MYRFL: variants seen among roughly 807,000 people sequenced by gnomAD.
The protein encoded by MYRFL is myelin regulatory factor-like protein.
In MYRFL, 88 loss-of-function variants were observed where a neutral mutation model predicts 109.4. That is an observed-to-expected ratio of 0.80 (90% CI 0.68 to 0.96). MYRFL has a LOEUF of 0.96. MYRFL is among the 40% of genes least tolerant of loss of function. The pLI is 0.00. For missense variants in MYRFL, 957 were observed against 954.9 expected (o/e 1.00, Z -0.03); for synonymous variants, 324 against 320.9 (o/e 1.01, Z -0.10).
At chr12:69,832,354 T>C (rs750356490) in intron 1 of MYRFL, among the ~76,000 whole-genome samples, 2 of 152,200 alleles carry the variant, frequency 1.3e-5, no homozygotes, top group Non-Finnish European at 2.9e-5. Flanking sequence ...GCTGCTCTCC[T>C]AAGAGCCAGG....
intron 1 of MYRFL, among the ~76,000 whole-genome samples, chr12:69,852,579 A>ATTTTTTTT (rs61145700): frequency 4.5e-5 from 5 of 112,174 alleles, no homozygotes; most frequent in Non-Finnish European, 5.4e-5. Context: ...TTAATTTTTA[A>ATTTTTTTT]TTTTTTTTTT....
chr12:69,927,942 C>T (rs769317717), intron 15 of MYRFL, among the ~76,000 whole-genome samples, 194 bp downstream of exon 15: 8 of 152,150 alleles, frequency 5.3e-5, no homozygotes, highest in East Asian at 1.9e-4. Flanking sequence ...TTTAGAGAAA[C>T]GAGTACAGAA....
chr12:69,841,477 A>G (rs982133000), intron 1 of MYRFL, among the ~76,000 whole-genome samples: 2 of 152,202 alleles, frequency 1.3e-5, no homozygotes, highest in African/African-American at 4.8e-5. Context: ...CATGGTGTAA[A>G]TGCTCTCACT....
chr12:69,940,149 T>C (rs867573135), intron 19 of MYRFL, among the ~76,000 whole-genome samples: 2 of 152,034 alleles, frequency 1.3e-5, no homozygotes, highest in African/African-American at 4.8e-5. Context: ...CCCAGGAGAA[T>C]TTCCCCAATC....
intron 15 of MYRFL, among the ~76,000 whole-genome samples, chr12:69,929,495 A>G (rs953404645): frequency 1.3e-5 from 2 of 152,232 alleles, no homozygotes; most frequent in African/African-American, 4.8e-5. Context: ...AGGAGAAGTT[A>G]CAGATGGAAT....
intron 15 of MYRFL, among the ~76,000 whole-genome samples, chr12:69,929,670 C>CAGAT (rs140118891): frequency 1.3e-3 from 204 of 152,234 alleles, no homozygotes; most frequent in African/African-American, 4.8e-3. Context: ...TCTTTAAAAA[C>CAGAT]AGATAGTAAA....
rs1210056103 is a variant in MYRFL, at chr12:69,958,897, C to A, written c.*366C>A. On this transcript the variant is annotated 3_prime_UTR_variant, in exon 25 of 25. Coordinates refer to ENST00000552032, the MANE Select transcript of MYRFL (RefSeq NM_182530.3). ...TGTATTTTAAAGCTTTTGAAAAAAC[C>A]AAAAGGGCCATGTCGACTTCGGCCC... is the stretch of plus-strand genomic sequence containing the variant. 1 of 193,576 alleles carries A rather than the reference C, an allele frequency of 5.2e-6. No individual in the cohort carries two copies. The highest frequency in any genetic ancestry group is 1.0e-5 in the Non-Finnish European group (1 of 95,510). The allele number at this position is 193,576 out of a possible 1,614,324, so 12.0% of individuals were successfully genotyped here.
intron 6 of MYRFL, among the ~76,000 whole-genome samples, chr12:69,887,329 C>G (rs1378935059): frequency 2.0e-5 from 3 of 152,128 alleles, no homozygotes; most frequent in South Asian, 2.1e-4. Flanking sequence ...CCATAAAATA[C>G]TTTTCTGGGG....
At chr12:69,860,365 T>A (rs1884569367) in intron 2 of MYRFL, among the ~76,000 whole-genome samples, 1 of 152,192 alleles carries the variant, frequency 6.6e-6, no homozygotes. Context: ...GACATTTAGG[T>A]TGATTCCATG....
chr12:69,848,227 G>A lies in MYRFL; in HGVS notation c.47-7053G>A, dbSNP rs370991439. On this transcript the variant is annotated intron_variant, in intron 1 of 24. Transcript: ENST00000552032. ...TATATTACTTTTGTACATCTTGTTG[G>A]TAAATATCCCTTTTTTACTCACATG... is the stretch of plus-strand genomic sequence containing the variant. 8.0e-4 allele frequency among the ~76,000 whole-genome samples: 121 copies of A among 151,950 alleles called. No individual in the cohort carries two copies. In the Middle Eastern group the frequency reaches 0.021, roughly 27 times the overall value.
intron 10 of MYRFL, among the ~76,000 whole-genome samples, chr12:69,900,822 T>C (rs1168741930): frequency 6.6e-6 from 1 of 152,206 alleles, no homozygotes; most frequent in African/African-American, 2.4e-5. Context: ...GCCATTTACA[T>C]TGTATTTTTT....
intron 15 of MYRFL, among the ~76,000 whole-genome samples, chr12:69,928,573 ATTC>A (rs1360366046): frequency 2.0e-5 from 3 of 152,338 alleles, no homozygotes; most frequent in African/African-American, 7.2e-5. Context: ...AGAGTTCAAA[ATTC>A]TTCTACTAAA....
rs560019425 is a variant in MYRFL, at chr12:69,899,734, A to G, written c.1182+2488A>G. 1.6e-4 allele frequency among the ~76,000 whole-genome samples: 24 copies of G among 152,298 alleles called. No homozygotes were observed. The East Asian group carries it at 4.6e-3, about 29-fold the overall frequency. On this transcript the variant is annotated intron_variant, in intron 10 of 24. Coordinates refer to ENST00000552032, the MANE Select transcript of MYRFL (RefSeq NM_182530.3). ...CAGGAAGGGTCCAGAATTCTGACCA[A>G]GCTTGTCAGAATTCTGCTTGGAGAG...
chr12:69,951,512 C>G (rs1168804174), intron 19 of MYRFL, among the ~76,000 whole-genome samples: 2 of 150,856 alleles, frequency 1.3e-5, no homozygotes, highest in African/African-American at 4.9e-5. Context: ...ACCACAACCT[C>G]CGCCTCCCAG....
At chr12:69,911,297 A>G (rs1244363670) in intron 13 of MYRFL, among the ~76,000 whole-genome samples, 2 of 152,210 alleles carry the variant, frequency 1.3e-5, no homozygotes, top group Non-Finnish European at 2.9e-5. Context: ...TAAAATGGTA[A>G]TAAACTTATG....
intron 8 of MYRFL, among the ~76,000 whole-genome samples, chr12:69,894,273 C>T (rs1317598113): frequency 6.6e-6 from 1 of 152,112 alleles, no homozygotes; most frequent in South Asian, 2.1e-4. Context: ...GCTGGGATTA[C>T]AGGCGTGAGC....
At chr12:69,885,299 C>A (rs776056284) in intron 5 of MYRFL, among the ~76,000 whole-genome samples, 1 of 150,694 alleles carries the variant, frequency 6.6e-6, no homozygotes, top group Non-Finnish European at 1.5e-5. Flanking sequence ...CATTTAATAG[C>A]AATACCCCAA....
rs946978432 is a variant in MYRFL at position 69,855,225 on chromosome 12, C to T, written c.47-55C>T. On this transcript the variant is annotated intron_variant, in intron 1 of 24. Transcript: ENST00000552032. The stretch of plus-strand genomic sequence containing the variant: ...TTAAAGATTTGTCAGTGTTTTTAGC[C>T]ATTGGCCATACTGAAATCTTCATGT... The T allele has an allele frequency of 2.9e-5, 20 of 685,488 alleles. No individual in the cohort carries two copies. The Admixed American group carries it at 4.2e-4, about 14-fold the overall frequency. 42.5% of individuals were successfully genotyped at this position (685,488 alleles called of 1,614,324 possible).
chr12:69,867,393 A>G (rs1484941618), intron 2 of MYRFL, among the ~76,000 whole-genome samples: 2 of 152,252 alleles, frequency 1.3e-5, no homozygotes, highest in Non-Finnish European at 1.5e-5. Context: ...GTAAATCTTC[A>G]AGGCAGGCTA....
Sources: allele counts gnomAD v4.1 joint callset (sites outside exome capture counted in the v4.1 genomes callset), GRCh38; gene constraint gnomAD v4.1.1; transcripts MANE v1.5; gene names NCBI Gene and HGNC (gene_info 2026-07-23, HGNC 2026-07-21).